Variants in PCLO observed in about 807,000 individuals in gnomAD.
PCLO encodes the protein piccolo presynaptic cytomatrix protein.
A neutral mutation model predicts 427.5 loss-of-function variants in PCLO; 82 were observed. The ratio of observed to expected loss-of-function variants is 0.19; its 90% confidence interval spans 0.16 to 0.23. PCLO has a LOEUF of 0.23. Ranked by LOEUF, PCLO falls within the 10% of genes least tolerant of loss-of-function variation. The pLI is 1.00. For missense variants in PCLO, 6,239 were observed against 6,115.9 expected, an observed-to-expected ratio of 1.02 and a Z score of -0.67; for synonymous variants, 2,357 against 2,155.4, an observed-to-expected ratio of 1.09 and a Z score of -2.59.
chr7:82,760,708 T>G lies in PCLO; in HGVS notation c.15219A>C (p.Arg5073Ser). The G allele has an allele frequency of 6.3e-7, 1 of 1,593,986 alleles. No homozygotes were observed. The highest frequency in any genetic ancestry group is 8.6e-7 in the Non-Finnish European group (1 of 1,164,550). Residue 5073 changes from arginine to serine, a missense_variant, in exon 24 of 25, where the codon AGA becomes AGC. Physicochemically the swap from Arg to Ser is moderately radical, Grantham distance 110 (BLOSUM62 -1). Transcript: ENST00000333891. ...CATTAAACGAAGGCTCTCGATCATG[T>G]CTGCATACTCTTGTTTTTTTCTTGA... ...KVIKKKTRVC[R>S]HDREPSFNET...
chr7:83,133,277 G>C (rs540844623), intron 3 of PCLO, among the ~76,000 whole-genome samples: 2 of 151,900 alleles, frequency 1.3e-5, no homozygotes, highest in African/African-American at 4.8e-5. Context: ...CAAAATCAAG[G>C]ACATTGGAGT....
intron 22 of PCLO, among the ~76,000 whole-genome samples, chr7:82,784,828 G>A (rs1440601448): frequency 6.6e-6 from 1 of 151,908 alleles, no homozygotes; most frequent in East Asian, 1.9e-4. Context: ...CTATATTTTT[G>A]AAATCTATTG....
At chr7:83,081,245 A>G (rs1372926949) in intron 3 of PCLO, among the ~76,000 whole-genome samples, 2 of 152,016 alleles carry the variant, frequency 1.3e-5, no homozygotes, top group African/African-American at 4.8e-5. Context: ...CTACAAGACC[A>G]GGACCTCACA....
intron 3 of PCLO, among the ~76,000 whole-genome samples, chr7:83,061,222 TC>T (rs1243893045): frequency 6.6e-6 from 1 of 152,148 alleles, no homozygotes; most frequent in African/African-American, 2.4e-5. Context: ...TGGGTCCTTT[TC>T]CCCCATTCAA....
intron 3 of PCLO, among the ~76,000 whole-genome samples, chr7:83,071,480 G>T (rs1347142307): frequency 6.6e-6 from 1 of 152,114 alleles, no homozygotes; most frequent in Non-Finnish European, 1.5e-5. Context: ...GCTTCTAAGT[G>T]GCTCACTCTT....
intron 3 of PCLO, among the ~76,000 whole-genome samples, chr7:83,030,273 ATAAT>A (rs1788633078): frequency 2.0e-5 from 3 of 152,176 alleles, no homozygotes; most frequent in Non-Finnish European, 2.9e-5. Context: ...AGAGCTACAA[ATAAT>A]TAATCTTGTC....
At chr7:82,770,301 T>C (rs1049023988) in intron 22 of PCLO, among the ~76,000 whole-genome samples, 2 of 152,086 alleles carry the variant, frequency 1.3e-5, no homozygotes, top group Non-Finnish European at 2.9e-5. Flanking sequence ...TAGATATTCA[T>C]GGAGTACAAT....
intron 22 of PCLO, among the ~76,000 whole-genome samples, chr7:82,781,196 TAA>T (rs138731950): frequency 0.24 from 36,658 of 151,454 alleles, 5,197 homozygotes; most frequent in Non-Finnish European, 0.32. Context: ...TCAGGTAAGG[TAA>T]AAAGATCATG....
chr7:82,951,439 C>G lies in PCLO; in HGVS notation c.9149G>C (p.Arg3050Pro). 1 of 1,590,246 alleles carries G rather than the reference C, an allele frequency of 6.3e-7. No homozygotes were observed. Among genetic ancestry groups the G allele is most frequent in the Non-Finnish European group, 8.6e-7 (1 of 1,167,246 alleles). Reference protein sequence around the residue: ...SKTTGPYPETRQVISGAGIST... With the variant: ...SKTTGPYPETPQVISGAGIST... ...AATCCCAGCTCCTGAAATGACTTGT[C>G]GTGTTTCTGGATATGGACCTGTAGT... Residue 3050 changes from arginine (R) to proline (P), a missense_variant, in exon 6 of 25, where the codon CGA becomes CCA. This residue lies in a region of PCLO where 4,677 missense variants were observed against 4,468.4 expected (regional missense o/e 1.05). Transcript: ENST00000333891.
At chr7:82,871,304 A>C (rs1262018217) in intron 10 of PCLO, among the ~76,000 whole-genome samples, 1 of 152,018 alleles carries the variant, frequency 6.6e-6, no homozygotes, top group East Asian at 1.9e-4. Context: ...TATTTGCAGC[A>C]ACATAAGTGG....
In PCLO at chr7:82,953,876, T is replaced by C. The variant is rs2116443078; in HGVS notation, c.7077A>G (p.Thr2359=). ...ALPMKEQLST[T]YFTSGETFGQ... ...CAAAGGTCTCTCCAGATGTAAAGTA[T>C]GTAGTTGAAAGCTGCTCTTTCATTG... is the stretch of plus-strand genomic sequence containing the variant. Residue 2359 remains threonine (T), a synonymous_variant, in exon 5 of 25, where the codon ACA becomes ACG. Coordinates refer to ENST00000333891, the MANE Select transcript of PCLO (RefSeq NM_033026.6). The C allele has an allele frequency of 6.2e-7, 1 of 1,613,852 alleles. No individual in the cohort carries two copies. The highest frequency in any genetic ancestry group is 1.7e-5 in the Admixed American group (1 of 60,012).
At chr7:82,871,873 T>A (rs1158609747) in intron 10 of PCLO, among the ~76,000 whole-genome samples, 1 of 151,570 alleles carries the variant, frequency 6.6e-6, no homozygotes, top group Non-Finnish European at 1.5e-5. Context: ...CTTTAAAAAA[T>A]GGTGCATAGG....
At chr7:82,804,806 A>T (rs1791425814) in intron 21 of PCLO, among the ~76,000 whole-genome samples, 1 of 152,130 alleles carries the variant, frequency 6.6e-6, no homozygotes, top group Non-Finnish European at 1.5e-5. Context: ...TTTTTCCTAC[A>T]CTTTCGAAAA....
At chr7:82,913,339 G>C (rs1355949646) in intron 7 of PCLO, among the ~76,000 whole-genome samples, 1 of 151,822 alleles carries the variant, frequency 6.6e-6, no homozygotes, top group African/African-American at 2.4e-5. Flanking sequence ...TATTCATCTA[G>C]ACAAAGATGT....
At chr7:82,985,967 GAA>G (rs1796247475) in intron 3 of PCLO, among the ~76,000 whole-genome samples, 1 of 151,840 alleles carries the variant, frequency 6.6e-6, no homozygotes, top group African/African-American at 2.4e-5. Context: ...CTTTAAAAGA[GAA>G]AATATATCCA....
intron 3 of PCLO, among the ~76,000 whole-genome samples, chr7:83,098,128 G>T (rs1246161167): frequency 6.6e-6 from 1 of 152,018 alleles, no homozygotes; most frequent in African/African-American, 2.4e-5. Flanking sequence ...TTATATGGAT[G>T]TCAAACTCTT....
chr7:82,950,547 A>T lies in PCLO; in HGVS notation c.10041T>A (p.Ser3347Arg). The change falls in exon 6 of 25, where the codon AGT becomes AGA. Residue 3347 changes from serine to arginine, a missense_variant. Ser to Arg is a moderately radical substitution (Grantham distance 110, BLOSUM62 -1). This residue lies in a region of PCLO where 4,677 missense variants were observed against 4,468.4 expected (regional missense o/e 1.05). Transcript: ENST00000333891. ...TTGCATCTTCAGTTGCCCAAAATTG[A>T]CTGCCTTCCAGAGCAGCATACTGAC... is the stretch of plus-strand genomic sequence containing the variant. ...LEGQYAALEGSQFWATEDATT... is the reference protein window; with the variant it reads ...LEGQYAALEGRQFWATEDATT... 3 of 1,613,850 alleles carry T rather than the reference A, an allele frequency of 1.9e-6. No individual in the cohort carries two copies. Among genetic ancestry groups the T allele is most frequent in the Non-Finnish European group, 2.5e-6 (3 of 1,179,854 alleles).
chr7:82,933,024 G>A (rs6959723), intron 6 of PCLO, among the ~76,000 whole-genome samples: 125,862 of 151,922 alleles, frequency 0.83, 52,350 homozygotes, highest in East Asian at 0.92. Context: ...GAGACAGTTA[G>A]TTGGTACATT....
At chr7:82,849,768 T>A (rs550499477) in intron 10 of PCLO, among the ~76,000 whole-genome samples, 1 of 152,286 alleles carries the variant, frequency 6.6e-6, no homozygotes, top group Non-Finnish European at 1.5e-5. Context: ...CAATAATGTA[T>A]CTTGTCATTT....
Sources: allele counts gnomAD v4.1 joint callset (sites outside exome capture counted in the v4.1 genomes callset), GRCh38; gene constraint gnomAD v4.1.1; regional missense constraint gnomAD v4.1.1; transcripts MANE v1.5; gene names NCBI Gene and HGNC (gene_info 2026-07-23, HGNC 2026-07-21).